MGAT4A: variants seen among roughly 807,000 people sequenced by gnomAD.
MGAT4A encodes N-acetylglucosaminyltransferase IVa.
MGAT4A carries 33 observed loss-of-function variants against 74.1 expected under a neutral mutation model. The observed-to-expected ratio is 0.45, with a 90% CI of 0.34 to 0.60. The LOEUF (loss-of-function observed/expected upper bound fraction) is 0.60. Among genes scored for constraint, MGAT4A ranks in the 20% least tolerant of loss-of-function variants. The pLI is 0.02. For synonymous variants in MGAT4A, 198 were observed against 210.4 expected, an observed-to-expected ratio of 0.94 and a Z score of 0.51; for missense variants, 479 against 628.3, an observed-to-expected ratio of 0.76 and a Z score of 2.54.
At chr2:98,701,658 T>G (rs963660253) in intron 2 of MGAT4A, among the ~76,000 whole-genome samples, 1 of 152,188 alleles carries the variant, frequency 6.6e-6, no homozygotes, top group African/African-American at 2.4e-5. Flanking sequence ...AATAATACCA[T>G]GCCAAGTGCA....
chr2:98,675,054 A>G lies in MGAT4A; in HGVS notation c.384T>C (p.Ile128=). The G allele has an allele frequency of 1.9e-6, 3 of 1,608,712 alleles. No homozygotes were observed. Among genetic ancestry groups the G allele is most frequent in the Non-Finnish European group, 2.5e-6 (3 of 1,178,694 alleles). The part of the protein sequence containing the change: ...NEGSLQPAVQ[I]GNGRTGVSIV... ...ACATACCTCCTGTTCTTCCGTTGCC[A>G]ATCTGTACAGCAGGTTGAAGACTTC... The change falls in exon 4 of 16, where the codon ATT becomes ATC. Residue 128 remains isoleucine (I), a synonymous_variant. Coordinates refer to ENST00000393487, the MANE Select transcript of MGAT4A (RefSeq NM_012214.3).
chr2:98,679,752 G>A (rs1702031123), intron 2 of MGAT4A, among the ~76,000 whole-genome samples: 1 of 152,146 alleles, frequency 6.6e-6, no homozygotes, highest in African/African-American at 2.4e-5. Flanking sequence ...AAATAAAAGT[G>A]GGCTTTGATG....
chr2:98,656,375 A>G lies in MGAT4A; in HGVS notation c.675T>C (p.Phe225=). 6.2e-7 allele frequency: 1 copy of G among 1,607,604 alleles called. No homozygotes were observed. Among genetic ancestry groups the G allele is most frequent in the South Asian group, 1.1e-5 (1 of 90,738 alleles). The part of the protein sequence containing the change: ...YPDLTNLKET[F]GDSKERVRWR... ...ACCTTACTCTTTCTTTGGAGTCTCC[A>G]AATGTCTCCTTTAGGTTTGTCAAGT... Residue 225 remains phenylalanine, a synonymous_variant, in exon 7 of 16, where the codon TTT becomes TTC. Transcript: ENST00000393487.
chr2:98,725,473 G>A (rs370731519), intron 2 of MGAT4A, among the ~76,000 whole-genome samples: 1 of 152,044 alleles, frequency 6.6e-6, no homozygotes, highest in Non-Finnish European at 1.5e-5. Context: ...AATAGCCCAG[G>A]TGATGACAGA....
chr2:98,731,111 T>TGCGG lies in MGAT4A; in HGVS notation c.-300_-299insCCGC, dbSNP rs1559179712. 0.011 allele frequency: 776 copies of TGCGG among 68,062 alleles called. 7 individuals are homozygous for TGCGG. Among genetic ancestry groups the TGCGG allele is most frequent in the African/African-American group, 0.085 (713 of 8,390 alleles). 4.2% of individuals were successfully genotyped at this position (68,062 alleles called of 1,614,324 possible). A position where few individuals can be genotyped will look rare whatever the true frequency, so the allele number is the denominator to read the frequency against. The stretch of plus-strand genomic sequence containing the variant: ...GAGCTGCTGTAGCCGCCGCCGCCGC[T>TGCGG]GCCGCCGCCGCTGCGGGCCGCCCCG... On this transcript the variant is annotated 5_prime_UTR_variant, in exon 1 of 16. Coordinates refer to ENST00000393487, the MANE Select transcript of MGAT4A (RefSeq NM_012214.3). The surrounding 1 kb of genome is among the most constrained non-coding windows in gnomAD (Gnocchi z 4.8).
intron 2 of MGAT4A, among the ~76,000 whole-genome samples, chr2:98,702,571 G>A (rs2104315758): frequency 6.6e-6 from 1 of 152,326 alleles, no homozygotes; most frequent in Non-Finnish European, 1.5e-5. Context: ...CACACACACA[G>A]AGGAGCTGTA....
chr2:98,653,341 A>T (rs1048390928), intron 8 of MGAT4A, among the ~76,000 whole-genome samples: 2 of 150,852 alleles, frequency 1.3e-5, no homozygotes, highest in Non-Finnish European at 3.0e-5. Flanking sequence ...TAAATAGAAA[A>T]AAATAAATAA....
chr2:98,656,396 C>A lies in MGAT4A; in HGVS notation c.654G>T (p.Leu218Phe). 1.9e-6 allele frequency: 3 copies of A among 1,612,484 alleles called. No homozygotes were observed. Among genetic ancestry groups the A allele is most frequent in the Non-Finnish European group, 2.5e-6 (3 of 1,179,042 alleles). Residue 218 changes from leucine (L) to phenylalanine (F), a missense_variant, in exon 7 of 16, where the codon TTG (leucine) becomes TTT (phenylalanine). Coordinates refer to ENST00000393487, the MANE Select transcript of MGAT4A (RefSeq NM_012214.3). The part of the protein sequence containing the change: ...ISPPESYYPD[L>F]TNLKETFGDS... ...CTCCAAATGTCTCCTTTAGGTTTGT[C>A]AAGTCAGGATAATAGCTTTCAGGGG... is the stretch of plus-strand genomic sequence containing the variant.
chr2:98,664,524 G>A (rs1701797804), intron 4 of MGAT4A, among the ~76,000 whole-genome samples: 1 of 152,140 alleles, frequency 6.6e-6, no homozygotes, highest in South Asian at 2.1e-4. Context: ...CCTACCAGCT[G>A]TCTCAGTTCA....
intron 2 of MGAT4A, among the ~76,000 whole-genome samples, chr2:98,725,105 T>A (rs1209107514): frequency 1.3e-5 from 2 of 152,170 alleles, no homozygotes; most frequent in African/African-American, 4.8e-5. Flanking sequence ...CACCTCCTGA[T>A]TAAGCCTTCT....
intron 8 of MGAT4A, among the ~76,000 whole-genome samples, chr2:98,646,002 A>G (rs1278551623): frequency 1.3e-5 from 2 of 152,202 alleles, no homozygotes; most frequent in Admixed American, 1.3e-4. Context: ...TGGTATTGAT[A>G]TTGTGAAGCT....
chr2:98,625,607 C>T lies in MGAT4A; in HGVS notation c.1582-15G>A, dbSNP rs1346853635. 1 of 1,599,698 alleles carries T rather than the reference C, an allele frequency of 6.3e-7. No homozygotes were observed. Among genetic ancestry groups the T allele is most frequent in the Non-Finnish European group, 8.5e-7 (1 of 1,170,228 alleles). ...TTAATATGAATCTGAAATACAAAAT[C>T]ATAAAAGGTATGATAAAGCTGTTAA... On this transcript the variant is annotated splice_polypyrimidine_tract_variant and intron_variant, in intron 15 of 15. Coordinates refer to ENST00000393487, the MANE Select transcript of MGAT4A (RefSeq NM_012214.3).
At chr2:98,665,690 T>C (rs1377259045) in intron 4 of MGAT4A, among the ~76,000 whole-genome samples, 1 of 152,276 alleles carries the variant, frequency 6.6e-6, no homozygotes, top group Non-Finnish European at 1.5e-5. Context: ...TTAAAATATA[T>C]GTATCTTACA....
chr2:98,706,892 G>GAAAAA (rs11324730), intron 2 of MGAT4A, among the ~76,000 whole-genome samples: 1 of 127,466 alleles, frequency 7.8e-6, no homozygotes. Flanking sequence ...CATTAAAAAT[G>GAAAAA]AAAAAAAAAA....
intron 2 of MGAT4A, among the ~76,000 whole-genome samples, chr2:98,684,480 T>TGAAC (rs1338983742): frequency 6.6e-6 from 1 of 152,234 alleles, no homozygotes; most frequent in Non-Finnish European, 1.5e-5. Flanking sequence ...TTGTGTTTTG[T>TGAAC]GAACCTAAGA....
intron 2 of MGAT4A, among the ~76,000 whole-genome samples, chr2:98,711,848 G>A (rs1208060962): frequency 6.6e-6 from 1 of 152,090 alleles, no homozygotes; most frequent in African/African-American, 2.4e-5. Flanking sequence ...TTGTTGCCCA[G>A]GCTCATTTCA....
chr2:98,638,454 G>A (rs923245559), intron 12 of MGAT4A, among the ~76,000 whole-genome samples: 42 of 152,116 alleles, frequency 2.8e-4, no homozygotes, highest in African/African-American at 9.4e-4. Flanking sequence ...ACTAATCTAC[G>A]TCAATATTTT....
At chr2:98,729,144 T>C (rs1369703420) in intron 1 of MGAT4A, among the ~76,000 whole-genome samples, 1 of 150,354 alleles carries the variant, frequency 6.7e-6, no homozygotes, top group African/African-American at 2.5e-5. Context: ...AAGTAAACTA[T>C]TGATATACTA....
intron 7 of MGAT4A, 24 bp downstream of exon 7, chr2:98,656,328 G>C: frequency 7.1e-7 from 1 of 1,412,584 alleles, no homozygotes; most frequent in South Asian, 1.2e-5. Flanking sequence ...CAAGTGTGGA[G>C]GATTTTAAAC....
Sources: gnomAD v4.1 joint callset for allele counts (sites outside exome capture counted in the v4.1 genomes callset) on GRCh38, gnomAD v4.1.1 for gene constraint, Gnocchi (gnomAD v3.1) non-coding constraint, MANE v1.5 for transcripts, NCBI Gene and HGNC (gene_info 2026-07-23, HGNC 2026-07-21) for gene names.